The following TMEM131L variants were observed in gnomAD, a reference collection of about 807,000 sequenced individuals.
TMEM131L encodes transmembrane 131 like.
A neutral mutation model predicts 192.2 loss-of-function variants in TMEM131L; 54 were observed. The observed-to-expected ratio is 0.28, with a 90% CI of 0.23 to 0.35. TMEM131L has a LOEUF of 0.35. Ranked by LOEUF, TMEM131L falls within the 10% of genes least tolerant of loss-of-function variation. The pLI is 1.00. For missense variants in TMEM131L, 1,888 were observed against 1,972.9 expected (o/e 0.96, Z 0.82); for synonymous variants, 701 against 704.9 (o/e 0.99, Z 0.09).
At chr4:153,560,279 C>T (rs1315820208) in intron 7 of TMEM131L, among the ~76,000 whole-genome samples, 1 of 152,180 alleles carries the variant, frequency 6.6e-6, no homozygotes, top group Non-Finnish European at 1.5e-5. Flanking sequence ...CTGCACCTCA[C>T]CTGGGAAGCA....
chr4:153,571,410 C>T (rs538493278), intron 7 of TMEM131L, among the ~76,000 whole-genome samples: 1 of 152,316 alleles, frequency 6.6e-6, no homozygotes, highest in South Asian at 2.1e-4. Context: ...CACTCACCTT[C>T]CTGGTTTCCT....
At chr4:153,620,655 T>C in intron 26 of TMEM131L, 101 bp from the exon 27 acceptor site, 1 of 691,316 alleles carries the variant, frequency 1.4e-6, no homozygotes, top group South Asian at 2.1e-5. Context: ...TCAACAGCAC[T>C]GGGACATTCT....
At chr4:153,572,058 A>G (rs926865016) in intron 7 of TMEM131L, among the ~76,000 whole-genome samples, 7 of 148,872 alleles carry the variant, frequency 4.7e-5, no homozygotes, top group Admixed American at 4.0e-4. Flanking sequence ...TTTCCTTTTT[A>G]GTTGGCATGT....
intron 3 of TMEM131L, among the ~76,000 whole-genome samples, chr4:153,496,694 G>A (rs1217989333): frequency 6.6e-6 from 1 of 151,604 alleles, no homozygotes; most frequent in East Asian, 1.9e-4. Flanking sequence ...AATAACAGGT[G>A]TGAGCCACCA....
At chr4:153,470,968 C>T (rs2149717384) in intron 2 of TMEM131L, among the ~76,000 whole-genome samples, 1 of 151,162 alleles carries the variant, frequency 6.6e-6, no homozygotes, top group East Asian at 1.9e-4. Context: ...TCTTGTAGTG[C>T]CTTCGGTTTT....
chr4:153,512,574 G>A (rs921117380), intron 3 of TMEM131L, among the ~76,000 whole-genome samples: 3 of 152,114 alleles, frequency 2.0e-5, no homozygotes, highest in Non-Finnish European at 2.9e-5. Flanking sequence ...TCATCCCTGA[G>A]CCTTTCTTCA....
chr4:153,594,721 A>G (rs1731306474), intron 19 of TMEM131L, among the ~76,000 whole-genome samples: 1 of 152,206 alleles, frequency 6.6e-6, no homozygotes, highest in Admixed American at 6.5e-5. Flanking sequence ...CAGATAACCC[A>G]TTACCACAGA....
In TMEM131L at chr4:153,471,294, C is replaced by T. The variant is rs1466089946; in HGVS notation, c.196-2551C>T. Reference sequence around the variant, plus strand: ...AGTCACCGTGCCCGGCCCATGTCTTCGTTTTTCTCCTTTGTCTTGTGCATG... The same window carrying T: ...AGTCACCGTGCCCGGCCCATGTCTTTGTTTTTCTCCTTTGTCTTGTGCATG... On this transcript the variant is annotated intron_variant, in intron 2 of 34. Coordinates refer to ENST00000409959, the MANE Select transcript of TMEM131L (RefSeq NM_001131007.2). 5.9e-5 allele frequency among the ~76,000 whole-genome samples: 9 copies of T among 152,032 alleles called. No homozygotes were observed. The South Asian group carries it at 6.2e-4, about 11-fold the overall frequency.
intron 3 of TMEM131L, among the ~76,000 whole-genome samples, chr4:153,544,920 C>T (rs1437926961): frequency 6.6e-6 from 1 of 152,166 alleles, no homozygotes. Flanking sequence ...GTGGGGTCAG[C>T]AGTCTCTGGC....
At position 153,581,657 on chromosome 4, in the gene TMEM131L, CAAAT is replaced by C. The variant is rs1333446757; in HGVS notation, c.892+99_892+102del. The C allele has an allele frequency of 9.1e-6, 7 of 766,100 alleles. No individual in the cohort carries two copies. In the African/African-American group the frequency reaches 1.1e-4, roughly 12 times the overall value. The allele number at this position is 766,100 out of a possible 1,614,324, so 47.5% of individuals were successfully genotyped here. ...CAGATTGTATCATAGCAAACCAAGA[CAAAT>C]AGCCTTTGCTTTAATTATTAAGTGA... On this transcript the variant is annotated intron_variant, in intron 9 of 34. Transcript: ENST00000409959.
chr4:153,545,290 C>CTTTTTTTTTTTTTTT (rs59852943), intron 3 of TMEM131L, among the ~76,000 whole-genome samples: 7 of 132,334 alleles, frequency 5.3e-5, no homozygotes, highest in African/African-American at 1.5e-4. Context: ...CTTTTTCAAA[C>CTTTTTTTTTTTTTTT]TTTTTTTTTT....
Position 153,602,322 on chromosome 4 carries a change from C to T in TMEM131L, c.2437C>T (p.Arg813Cys), listed in dbSNP as rs769415934. The T allele has an allele frequency of 1.2e-5, 19 of 1,613,276 alleles. No homozygotes were observed. In the Admixed American group the frequency reaches 2.2e-4, roughly 18 times the overall value. Reference sequence around the variant, plus strand: ...GTTTTCCCTGGACCCAAACACATCCCGCGATATCAGCATTGTGTAAGCATT... The same window carrying T: ...GTTTTCCCTGGACCCAAACACATCCTGCGATATCAGCATTGTGTAAGCATT... ...HQFSLDPNTSRDISIVFTPDF... is the reference protein window; with the variant it reads ...HQFSLDPNTSCDISIVFTPDF... Residue 813 changes from arginine to cysteine, a missense_variant, in exon 22 of 35, where the codon CGC becomes TGC. Transcript: ENST00000409959.
At chr4:153,495,431 T>C (rs1251332582) in intron 3 of TMEM131L, among the ~76,000 whole-genome samples, 1 of 152,092 alleles carries the variant, frequency 6.6e-6, no homozygotes, top group Non-Finnish European at 1.5e-5. Context: ...CTTGCTTTTA[T>C]ATATTTTAGG....
intron 3 of TMEM131L, among the ~76,000 whole-genome samples, chr4:153,533,356 G>C (rs1736066146): frequency 6.6e-6 from 1 of 152,308 alleles, no homozygotes; most frequent in African/African-American, 2.4e-5. Flanking sequence ...GCGTGTGGGA[G>C]TGGGGCGCAC....
chr4:153,497,878 C>CAGAAA (rs1733296334), intron 3 of TMEM131L, among the ~76,000 whole-genome samples: 1 of 70,344 alleles, frequency 1.4e-5, no homozygotes, highest in African/African-American at 5.0e-5. Flanking sequence ...GAAAAATTTC[C>CAGAAA]AAAAAAAAAA....
At chr4:153,523,627 G>A (rs1020025413) in intron 3 of TMEM131L, among the ~76,000 whole-genome samples, 1 of 152,168 alleles carries the variant, frequency 6.6e-6, no homozygotes, top group Non-Finnish European at 1.5e-5. Flanking sequence ...TGAAGAGGGT[G>A]CTAATGGGAA....
intron 3 of TMEM131L, among the ~76,000 whole-genome samples, chr4:153,512,127 G>T (rs1289387074): frequency 6.6e-6 from 1 of 152,150 alleles, no homozygotes; most frequent in Non-Finnish European, 1.5e-5. Context: ...TTTTAAAATG[G>T]ATATCGGTTG....
chr4:153,547,797 G>C (rs1183125290), intron 3 of TMEM131L, among the ~76,000 whole-genome samples: 1 of 152,202 alleles, frequency 6.6e-6, no homozygotes, highest in East Asian at 1.9e-4. Flanking sequence ...CACTTCCACA[G>C]ATCTGGATTG....
intron 3 of TMEM131L, among the ~76,000 whole-genome samples, chr4:153,482,914 C>T (rs918918370): frequency 1.3e-5 from 2 of 152,020 alleles, no homozygotes; most frequent in Non-Finnish European, 2.9e-5. Context: ...TTGGTTCCTC[C>T]TAGATAACAT....
Sources: gnomAD v4.1 joint callset for allele counts (sites outside exome capture counted in the v4.1 genomes callset) on GRCh38, gnomAD v4.1.1 for gene constraint, MANE v1.5 for transcripts, NCBI Gene and HGNC (gene_info 2026-07-23, HGNC 2026-07-21) for gene names.